Variants in TOGARAM1 observed in about 807,000 individuals in gnomAD.
The protein encoded by TOGARAM1 is TOG array regulator of axonemal microtubules protein 1.
In TOGARAM1, 100 loss-of-function variants were observed where a neutral mutation model predicts 166.6. The observed-to-expected ratio is 0.60, with a 90% CI of 0.51 to 0.71. The LOEUF (loss-of-function observed/expected upper bound fraction) is 0.71. TOGARAM1 is among the 30% of genes least tolerant of loss of function. TOGARAM1 has a pLI of 0.00. For synonymous variants in TOGARAM1, 758 were observed against 763.8 expected (o/e 0.99, Z 0.13); for missense variants, 2,029 against 2,102.7 (o/e 0.96, Z 0.69).
chr14:45,035,969 A>G (rs1018199284), intron 11 of TOGARAM1, among the ~76,000 whole-genome samples: 2 of 150,416 alleles, frequency 1.3e-5, no homozygotes, highest in African/African-American at 4.9e-5. Context: ...AAAAAGAAAG[A>G]AAAAAAATTT....
intron 14 of TOGARAM1, among the ~76,000 whole-genome samples, chr14:45,048,970 G>C (rs1882221011): frequency 7.2e-6 from 1 of 139,170 alleles, no homozygotes; most frequent in African/African-American, 2.6e-5. Flanking sequence ...GAGTGGGACA[G>C]AGGGTTGACT....
intron 9 of TOGARAM1, 56 bp from the exon 10 acceptor site, chr14:45,028,120 A>C: frequency 6.9e-7 from 1 of 1,448,890 alleles, no homozygotes; most frequent in Non-Finnish European, 9.3e-7. Flanking sequence ...TGAGATGAAG[A>C]TATTTTAAAT....
chr14:45,048,148 T>A (rs1005856666), intron 14 of TOGARAM1, among the ~76,000 whole-genome samples: 9 of 149,938 alleles, frequency 6.0e-5, no homozygotes, highest in Non-Finnish European at 1.0e-4. Flanking sequence ...GATCAAGAGA[T>A]TGAGACCATT....
At chr14:44,992,783 A>G (rs1336783789) in intron 1 of TOGARAM1, among the ~76,000 whole-genome samples, 1 of 151,096 alleles carries the variant, frequency 6.6e-6, no homozygotes, top group Non-Finnish European at 1.5e-5. Context: ...ACGCCCGACT[A>G]ATTTTTGTAT....
At position 45,057,049 on chromosome 14, in the gene TOGARAM1, C is replaced by T. The variant is rs1882674713; in HGVS notation, c.4559+2500C>T. ...GGGTTTTTTTGCTTACTGATTCATT[C>T]TCACTACTCACTGGTCTGTTCAGGA... On this transcript the variant is annotated intron_variant, in intron 16 of 19. Coordinates refer to ENST00000361462, the MANE Select transcript of TOGARAM1 (RefSeq NM_001308120.2). Among the ~76,000 whole-genome samples, 4 of 152,004 alleles carry T rather than the reference C, an allele frequency of 2.6e-5. 1 individual carries two copies. In the South Asian group the frequency reaches 8.3e-4, roughly 31 times the overall value.
At chr14:45,001,709 CATT>C (rs2138828829) in intron 3 of TOGARAM1, among the ~76,000 whole-genome samples, 1 of 152,136 alleles carries the variant, frequency 6.6e-6, no homozygotes, top group East Asian at 1.9e-4. Flanking sequence ...TTGAAAATAA[CATT>C]ATCCATTAAA....
chr14:45,058,853 T>A (rs1882771515), intron 16 of TOGARAM1, among the ~76,000 whole-genome samples: 1 of 152,176 alleles, frequency 6.6e-6, no homozygotes, highest in African/African-American at 2.4e-5. Context: ...TTGGTGGAAT[T>A]CTGTCATGTT....
At chr14:45,066,481 G>A (rs1883141658) in intron 16 of TOGARAM1, 97 bp from the exon 17 acceptor site, 2 of 1,161,420 alleles carry the variant, frequency 1.7e-6, no homozygotes, top group African/African-American at 1.6e-5. Flanking sequence ...ATGCATTTTG[G>A]AAAATGAATG....
chr14:45,064,462 G>A (rs971293820), intron 16 of TOGARAM1, among the ~76,000 whole-genome samples: 1 of 151,954 alleles, frequency 6.6e-6, no homozygotes, highest in Admixed American at 6.6e-5. Context: ...TTTCTGGGCA[G>A]TACGTGACTC....
At chr14:44,984,106 A>C (rs1886667582) in intron 1 of TOGARAM1, among the ~76,000 whole-genome samples, 1 of 152,120 alleles carries the variant, frequency 6.6e-6, no homozygotes, top group South Asian at 2.1e-4. Flanking sequence ...ATAGGACAAA[A>C]CTTGTTATTA....
chr14:44,992,094 A>C (rs1316929235), intron 1 of TOGARAM1, among the ~76,000 whole-genome samples: 3 of 149,452 alleles, frequency 2.0e-5, no homozygotes, highest in Non-Finnish European at 4.5e-5. Context: ...AAAAAAAAAA[A>C]AAAAAAACCA....
intron 16 of TOGARAM1, among the ~76,000 whole-genome samples, chr14:45,064,450 T>C (rs1441313023): frequency 6.6e-6 from 1 of 152,060 alleles, no homozygotes; most frequent in Non-Finnish European, 1.5e-5. Context: ...TTAAAGAGCA[T>C]TTTTCTGGGC....
chr14:44,963,708 A>T lies in TOGARAM1; in HGVS notation c.1287A>T (p.Val429=), dbSNP rs968178220. 3 of 1,613,992 alleles carry T rather than the reference A, an allele frequency of 1.9e-6. No individual in the cohort carries two copies. The highest frequency in any genetic ancestry group is 3.3e-4 in the Middle Eastern group (2 of 6,060). ...TGGTTATTCGCCTTGGAGAGCAGGT[A>T]CAGCAGTTCTTGGGACCAGTTATAG... ...HLLVIRLGEQ[V]QQFLGPVIAA... is the part of the protein sequence containing the mutation. The change falls in exon 1 of 20, where the codon GTA becomes GTT. Residue 429 remains valine, a synonymous_variant. Coordinates refer to ENST00000361462, the MANE Select transcript of TOGARAM1 (RefSeq NM_001308120.2).
At chr14:44,984,460 A>C (rs1231396864) in intron 1 of TOGARAM1, among the ~76,000 whole-genome samples, 1 of 151,978 alleles carries the variant, frequency 6.6e-6, no homozygotes, top group Non-Finnish European at 1.5e-5. Context: ...AAATAAGACA[A>C]TGTATATATT....
At chr14:45,050,995 A>T (rs1010672479) in intron 14 of TOGARAM1, among the ~76,000 whole-genome samples, 1 of 152,190 alleles carries the variant, frequency 6.6e-6, no homozygotes, top group African/African-American at 2.4e-5. Flanking sequence ...GCCCGGCCTC[A>T]TTGAAGATGA....
chr14:45,030,415 G>A (rs905093776), intron 10 of TOGARAM1, among the ~76,000 whole-genome samples: 2 of 152,074 alleles, frequency 1.3e-5, no homozygotes, highest in East Asian at 1.9e-4. Flanking sequence ...TTACTATGTA[G>A]GGTTGTTGAA....
chr14:45,032,521 C>T, intron 11 of TOGARAM1, 145 bp downstream of exon 11: 1 of 809,884 alleles, frequency 1.2e-6, no homozygotes, highest in South Asian at 1.9e-5. Flanking sequence ...CTTTTCAGCT[C>T]ATTAATGTAG....
At chr14:45,028,353 ATT>A in intron 10 of TOGARAM1, 24 bp downstream of exon 10, 1 of 1,482,758 alleles carries the variant, frequency 6.7e-7, no homozygotes, top group East Asian at 2.5e-5. Flanking sequence ...AAGTTTTGGT[ATT>A]TTTTTTTTCT....
chr14:45,059,716 A>G (rs957724568), intron 16 of TOGARAM1, among the ~76,000 whole-genome samples: 80 of 152,042 alleles, frequency 5.3e-4, no homozygotes, highest in African/African-American at 1.8e-3. Context: ...AATTATACGA[A>G]TACATCATAT....
Sources: gnomAD v4.1 joint callset for allele counts (sites outside exome capture counted in the v4.1 genomes callset) on GRCh38, gnomAD v4.1.1 for gene constraint, MANE v1.5 for transcripts, NCBI Gene and HGNC (gene_info 2026-07-23, HGNC 2026-07-21) for gene names.